Variants in SLC41A2 observed in about 807,000 individuals in gnomAD.
The protein encoded by SLC41A2 is solute carrier family 41 member 2, also known as SLC41A1-like 1.
SLC41A2 carries 32 observed loss-of-function variants against 58.3 expected under a neutral mutation model. The ratio of observed to expected loss-of-function variants is 0.55; its 90% CI spans 0.41 to 0.74. The LOEUF (loss-of-function observed/expected upper bound fraction) is 0.74. Ranked by LOEUF, SLC41A2 falls within the 30% of genes least tolerant of loss-of-function variation. The probability of loss-of-function intolerance (pLI) is 0.00; values close to 1 mark genes in which losing one functional copy is unlikely to be tolerated. For missense variants in SLC41A2, 514 were observed against 680.6 expected, an observed-to-expected ratio of 0.76 and a Z score of 2.72; for synonymous variants, 190 against 235.0, an observed-to-expected ratio of 0.81 and a Z score of 1.75.
Position 104,854,098 on chromosome 12 carries a change from TGAGAG to T in SLC41A2, c.1255+7188_1255+7192del, listed in dbSNP as rs199501453. Among the ~76,000 whole-genome samples the T allele has an allele frequency of 3.4e-3, 518 of 151,518 alleles. 7 individuals carry two copies. The highest frequency in any genetic ancestry group is 0.012 in the African/African-American group (483 of 41,294). On this transcript the variant is annotated intron_variant, in intron 8 of 10. Transcript: ENST00000258538. ...CTTAACAGAGGTGAAAACTGGTTCT[TGAGAG>T]GAGAAAAAATATCACTCATTTTATT... is the stretch of plus-strand genomic sequence containing the variant.
At chr12:104,939,742 C>T (rs2047425786) in intron 1 of SLC41A2, among the ~76,000 whole-genome samples, 1 of 151,490 alleles carries the variant, frequency 6.6e-6, no homozygotes, top group Admixed American at 6.6e-5. Context: ...TTTCTTCCCA[C>T]AACAATAAAA....
chr12:104,900,116 TC>T (rs1402836399), intron 3 of SLC41A2, among the ~76,000 whole-genome samples: 1 of 152,138 alleles, frequency 6.6e-6, no homozygotes, highest in African/African-American at 2.4e-5. Context: ...CCATATGAGA[TC>T]CAGGGATAGG....
intron 2 of SLC41A2, among the ~76,000 whole-genome samples, chr12:104,919,873 C>G (rs1338813565): frequency 1.3e-5 from 2 of 152,076 alleles, no homozygotes; most frequent in Non-Finnish European, 2.9e-5. Context: ...TTTTTGGTGT[C>G]AAGTGTAAGA....
chr12:104,943,334 A>C (rs963184712), intron 1 of SLC41A2, among the ~76,000 whole-genome samples: 1 of 152,068 alleles, frequency 6.6e-6, no homozygotes, highest in Non-Finnish European at 1.5e-5. Context: ...GCTTCAAAAC[A>C]CCAGACCCTG....
At chr12:104,873,806 G>C (rs750602904) in intron 6 of SLC41A2, among the ~76,000 whole-genome samples, 8 of 151,888 alleles carry the variant, frequency 5.3e-5, no homozygotes, top group African/African-American at 1.9e-4. Flanking sequence ...TCATATACTT[G>C]TTCGTCATTT....
intron 6 of SLC41A2, among the ~76,000 whole-genome samples, chr12:104,877,425 GA>G (rs1434947766): frequency 5.3e-5 from 8 of 151,352 alleles, no homozygotes; most frequent in African/African-American, 2.0e-4. Flanking sequence ...CAATGATACA[GA>G]AAAAATGTAA....
intron 9 of SLC41A2, 55 bp downstream of exon 9, chr12:104,845,788 T>C (rs2042578650): frequency 2.3e-5 from 35 of 1,529,148 alleles, no homozygotes; most frequent in Non-Finnish European, 2.9e-5. Context: ...CTGCCTATAA[T>C]CTTAGAGAGC....
At chr12:104,878,923 C>T (rs1008617951) in intron 6 of SLC41A2, among the ~76,000 whole-genome samples, 4 of 152,190 alleles carry the variant, frequency 2.6e-5, no homozygotes, top group Admixed American at 6.5e-5. Context: ...GTTTACACTC[C>T]CACCAACAGT....
chr12:104,806,599 C>G (rs1320550459), intron 10 of SLC41A2, among the ~76,000 whole-genome samples: 1 of 151,852 alleles, frequency 6.6e-6, no homozygotes, highest in Non-Finnish European at 1.5e-5. Context: ...ATGGCTGGGT[C>G]AAATGGTATT....
At chr12:104,873,127 A>G (rs747805536) in intron 6 of SLC41A2, among the ~76,000 whole-genome samples, 5 of 152,094 alleles carry the variant, frequency 3.3e-5, no homozygotes, top group South Asian at 2.1e-4. Flanking sequence ...TTCATCCTAC[A>G]TAACTGCAAC....
intron 6 of SLC41A2, among the ~76,000 whole-genome samples, chr12:104,870,602 TA>T (rs2043720115): frequency 6.6e-6 from 1 of 152,184 alleles, no homozygotes; most frequent in Admixed American, 6.5e-5. Context: ...TACGGAAAAG[TA>T]AAGATTAACA....
At chr12:104,805,561 T>C (rs1242794777) in intron 10 of SLC41A2, among the ~76,000 whole-genome samples, 1 of 152,228 alleles carries the variant, frequency 6.6e-6, no homozygotes, top group Non-Finnish European at 1.5e-5. Context: ...CAACTTTTCA[T>C]ATAGATCTCA....
intron 7 of SLC41A2, among the ~76,000 whole-genome samples, chr12:104,862,412 A>G (rs1357332814): frequency 6.6e-6 from 1 of 152,220 alleles, no homozygotes; most frequent in Non-Finnish European, 1.5e-5. Context: ...TTCAAGAACA[A>G]ACTAGTTCTG....
intron 2 of SLC41A2, among the ~76,000 whole-genome samples, chr12:104,916,343 T>C (rs1201356800): frequency 6.6e-6 from 1 of 152,178 alleles, no homozygotes; most frequent in African/African-American, 2.4e-5. Context: ...TCAGAAGGAA[T>C]GGTACCAGCT....
chr12:104,855,565 T>A (rs1225375398), intron 8 of SLC41A2, among the ~76,000 whole-genome samples: 1 of 152,228 alleles, frequency 6.6e-6, no homozygotes, highest in African/African-American at 2.4e-5. Context: ...ATTAATCCAT[T>A]TTTATTGTTA....
chr12:104,890,746 A>G (rs1291484282), intron 4 of SLC41A2, among the ~76,000 whole-genome samples: 1 of 152,228 alleles, frequency 6.6e-6, no homozygotes, highest in Non-Finnish European at 1.5e-5. Context: ...GTGAGGCAAC[A>G]GTTCCTCATG....
At chr12:104,853,932 T>TTTA (rs2042921255) in intron 8 of SLC41A2, among the ~76,000 whole-genome samples, 2 of 139,438 alleles carry the variant, frequency 1.4e-5, no homozygotes, top group African/African-American at 5.3e-5. Flanking sequence ...TTTTTTTTTT[T>TTTA]TTTTTTTAGT....
At chr12:104,838,260 G>C (rs1163402070) in intron 10 of SLC41A2, among the ~76,000 whole-genome samples, 1 of 152,106 alleles carries the variant, frequency 6.6e-6, no homozygotes, top group African/African-American at 2.4e-5. Flanking sequence ...TAGTGTCGTA[G>C]GTATATTCAC....
chr12:104,955,990 A>T (rs2048153671), intron 1 of SLC41A2, among the ~76,000 whole-genome samples: 2 of 152,230 alleles, frequency 1.3e-5, no homozygotes, highest in African/African-American at 4.8e-5. Flanking sequence ...TAAATTTTTG[A>T]GTGATTTGTG....
Sources: allele counts gnomAD v4.1 joint callset (sites outside exome capture counted in the v4.1 genomes callset), GRCh38; gene constraint gnomAD v4.1.1; transcripts MANE v1.5; gene names NCBI Gene and HGNC (gene_info 2026-07-23, HGNC 2026-07-21).